SNTG1: variants seen among roughly 807,000 people sequenced by gnomAD.
SNTG1 encodes gamma-1-syntrophin.
A neutral mutation model predicts 74.7 loss-of-function variants in SNTG1; 39 were observed. The observed-to-expected ratio is 0.52, with a 90% CI of 0.40 to 0.68. SNTG1 has a LOEUF of 0.68. Among genes scored for constraint, SNTG1 ranks in the 30% least tolerant of loss-of-function variants. The probability of loss-of-function intolerance (pLI) is 0.00; values close to 1 mark genes in which losing one functional copy is unlikely to be tolerated. For synonymous variants in SNTG1, 254 were observed against 217.1 expected (o/e 1.17, Z -1.49); for missense variants, 685 against 609.5 (o/e 1.12, Z -1.30).
At chr8:49,928,081 A>G (rs1807196693) in intron 1 of SNTG1, among the ~76,000 whole-genome samples, 1 of 150,588 alleles carries the variant, frequency 6.6e-6, no homozygotes, top group African/African-American at 2.4e-5. Context: ...GTGAGCCGAG[A>G]TCACACCACT....
intron 1 of SNTG1, among the ~76,000 whole-genome samples, chr8:50,166,857 G>A (rs529901745): frequency 1.7e-4 from 25 of 151,466 alleles, no homozygotes; most frequent in African/African-American, 5.9e-4. Flanking sequence ...CAATAGCAGC[G>A]ACTTGGAACC....
intron 1 of SNTG1, among the ~76,000 whole-genome samples, chr8:50,058,253 C>T (rs1586087238): frequency 6.6e-6 from 1 of 152,134 alleles, no homozygotes; most frequent in African/African-American, 2.4e-5. Context: ...AAAACAAATA[C>T]TATGCTTTTT....
chr8:50,330,014 C>T (rs775967995), intron 2 of SNTG1, among the ~76,000 whole-genome samples: 9 of 152,282 alleles, frequency 5.9e-5, no homozygotes, highest in East Asian at 3.9e-4. Flanking sequence ...AGAAGTTCCG[C>T]GTATCCATTT....
intron 1 of SNTG1, among the ~76,000 whole-genome samples, chr8:49,913,885 T>C (rs1373215192): frequency 6.6e-6 from 1 of 152,138 alleles, no homozygotes; most frequent in Non-Finnish European, 1.5e-5. Context: ...CACTCCTCTG[T>C]GTATATGGCC....
At chr8:50,213,788 C>T (rs1286240315) in intron 2 of SNTG1, among the ~76,000 whole-genome samples, 2 of 151,772 alleles carry the variant, frequency 1.3e-5, no homozygotes, top group Non-Finnish European at 2.9e-5. Flanking sequence ...CTGTTTTTTT[C>T]TTGTAAATTT....
chr8:50,667,224 T>C (rs1586013550), intron 15 of SNTG1, among the ~76,000 whole-genome samples: 1 of 152,078 alleles, frequency 6.6e-6, no homozygotes, highest in African/African-American at 2.4e-5. Flanking sequence ...ATGTGAAGAA[T>C]CATTTTACGA....
At chr8:50,565,557 T>A (rs937531766) in intron 12 of SNTG1, among the ~76,000 whole-genome samples, 1 of 152,030 alleles carries the variant, frequency 6.6e-6, no homozygotes, top group Non-Finnish European at 1.5e-5. Flanking sequence ...AACAAACTTG[T>A]GAGATGCTTA....
chr8:50,266,684 G>GTA (rs1554623724), intron 2 of SNTG1, among the ~76,000 whole-genome samples: 7,923 of 136,722 alleles, frequency 0.058, 263 homozygotes, highest in Middle Eastern at 0.11. Context: ...GTGTGTGTGT[G>GTA]TATATATATA....
chr8:50,249,744 C>G (rs1291085716), intron 2 of SNTG1, among the ~76,000 whole-genome samples: 1 of 152,150 alleles, frequency 6.6e-6, no homozygotes, highest in Non-Finnish European at 1.5e-5. Context: ...GCACAGAGAA[C>G]ATGCTACTGA....
intron 12 of SNTG1, among the ~76,000 whole-genome samples, chr8:50,556,341 G>C (rs2094455471): frequency 6.6e-6 from 1 of 152,014 alleles, no homozygotes; most frequent in Admixed American, 6.6e-5. Flanking sequence ...TGGGGTGGGT[G>C]GGGTTCAGCT....
intron 9 of SNTG1, among the ~76,000 whole-genome samples, chr8:50,529,762 T>C (rs1418783077): frequency 1.3e-5 from 2 of 152,090 alleles, no homozygotes; most frequent in Non-Finnish European, 2.9e-5. Context: ...TTTTGCATCA[T>C]GGAAAATTAT....
chr8:50,282,773 A>G (rs891748969), intron 2 of SNTG1, among the ~76,000 whole-genome samples: 5 of 152,150 alleles, frequency 3.3e-5, no homozygotes, highest in African/African-American at 9.7e-5. Context: ...CATCTCAAAA[A>G]AAAAGGAAAA....
chr8:50,316,436 T>C (rs1462347037), intron 2 of SNTG1, among the ~76,000 whole-genome samples: 1 of 152,186 alleles, frequency 6.6e-6, no homozygotes, highest in Non-Finnish European at 1.5e-5. Flanking sequence ...AATGTTACCA[T>C]TTTAAAATAT....
chr8:50,139,875 T>G (rs1470335392), intron 1 of SNTG1, among the ~76,000 whole-genome samples: 5 of 152,240 alleles, frequency 3.3e-5, no homozygotes, highest in Admixed American at 6.5e-5. Context: ...AGATTCACAG[T>G]GACTCTTAGT....
chr8:50,553,223 T>G, intron 12 of SNTG1, 44 bp downstream of exon 12: 1 of 1,611,064 alleles, frequency 6.2e-7, no homozygotes, highest in Non-Finnish European at 8.5e-7. Flanking sequence ...TTTCTCAGGC[T>G]TTATAAAATC....
intron 2 of SNTG1, among the ~76,000 whole-genome samples, chr8:50,383,868 C>A (rs565788903): frequency 1.3e-5 from 2 of 152,274 alleles, no homozygotes; most frequent in East Asian, 1.9e-4. Flanking sequence ...TAACTCATTT[C>A]TTTGCATGTT....
intron 8 of SNTG1, among the ~76,000 whole-genome samples, chr8:50,471,151 C>G (rs796874498): frequency 6.6e-6 from 1 of 152,056 alleles, no homozygotes; most frequent in Admixed American, 6.6e-5. Context: ...GAAGCCCAGC[C>G]GGCTTAACCT....
At chr8:50,180,750 CTTT>C (rs60630226) in intron 2 of SNTG1, among the ~76,000 whole-genome samples, 4 of 80,664 alleles carry the variant, frequency 5.0e-5, no homozygotes, top group African/African-American at 2.6e-4. Context: ...ATTGTGAAGC[CTTT>C]TTTTTTTTTT....
At chr8:50,595,356 C>A (rs2094720471) in intron 13 of SNTG1, among the ~76,000 whole-genome samples, 1 of 151,918 alleles carries the variant, frequency 6.6e-6, no homozygotes, top group African/African-American at 2.4e-5. Flanking sequence ...AATCAACCAG[C>A]TCATAAATCA....
Sources: gnomAD v4.1 joint callset for allele counts (sites outside exome capture counted in the v4.1 genomes callset) on GRCh38, gnomAD v4.1.1 for gene constraint, MANE v1.5 for transcripts, NCBI Gene and HGNC (gene_info 2026-07-23, HGNC 2026-07-21) for gene names.